Variants in SLAMF8 observed in about 807,000 individuals in gnomAD.
SLAMF8 encodes B lymphocyte activator macrophage expressed.
In SLAMF8, 23 loss-of-function variants were observed where a neutral mutation model predicts 29.0. The observed-to-expected ratio is 0.79, with a 90% CI of 0.57 to 1.13. The LOEUF (loss-of-function observed/expected upper bound fraction) is 1.13. Among genes scored for constraint, SLAMF8 ranks in the 50% most tolerant of loss-of-function variants. The probability of loss-of-function intolerance (pLI) is 0.00; values close to 1 mark genes in which losing one functional copy is unlikely to be tolerated. For missense variants in SLAMF8, 381 were observed against 353.1 expected, an observed-to-expected ratio of 1.08 and a Z score of -0.63; for synonymous variants, 139 against 145.6, an observed-to-expected ratio of 0.96 and a Z score of 0.32.
Position 159,835,525 on chromosome 1 carries a change from C to T in SLAMF8, c.*265C>T. ...AGATGAGCCAAGCAGAACATTCCAT[C>T]CAGGACACTGGAAGTTCTCCAGGAT... On this transcript the variant is annotated 3_prime_UTR_variant, in exon 5 of 5. Coordinates refer to ENST00000289707, the MANE Select transcript of SLAMF8 (RefSeq NM_020125.3). 1 of 1,231,240 alleles carries T rather than the reference C, an allele frequency of 8.1e-7. No individual in the cohort carries two copies. The highest frequency in any genetic ancestry group is 1.0e-6 in the Non-Finnish European group (1 of 983,798). The allele number at this position is 1,231,240 out of a possible 1,614,324, so 76.3% of individuals were successfully genotyped here. A position where few individuals can be genotyped will look rare whatever the true frequency, so the allele number is the denominator to read the frequency against.
At chr1:159,827,013 G>C in intron 1 of SLAMF8, 75 bp downstream of exon 1, 4 of 1,584,212 alleles carry the variant, frequency 2.5e-6, no homozygotes, top group Non-Finnish European at 3.5e-6. Context: ...CAGACGTCTG[G>C]GCAGGGATCC....
chr1:159,831,335 G>T (rs1442711244), intron 2 of SLAMF8, among the ~76,000 whole-genome samples: 3 of 152,012 alleles, frequency 2.0e-5, no homozygotes, highest in African/African-American at 7.3e-5. Flanking sequence ...CAGCTAACTG[G>T]CTGTCCTTGG....
At chr1:159,827,410 A>C (rs575803115) in intron 1 of SLAMF8, among the ~76,000 whole-genome samples, 1 of 152,120 alleles carries the variant, frequency 6.6e-6, no homozygotes, top group African/African-American at 2.4e-5. Context: ...GGCCTTTATA[A>C]GGGGAGGCAA....
Position 159,835,912 on chromosome 1 carries a change from G to C in SLAMF8, c.*652G>C. On this transcript the variant is annotated 3_prime_UTR_variant, in exon 5 of 5. Coordinates refer to ENST00000289707, the MANE Select transcript of SLAMF8 (RefSeq NM_020125.3). The stretch of plus-strand genomic sequence containing the variant: ...AATTGCAGTTGTAGACACCGAGGAT[G>C]GTTGACAACCCATGGTTGAGATGGG... The C allele has an allele frequency of 1.0e-6, 1 of 985,434 alleles. No homozygotes were observed. The highest frequency in any genetic ancestry group is 1.7e-5 in the African/African-American group (1 of 57,350). The allele number at this position is 985,434 out of a possible 1,614,324, so 61.0% of individuals were successfully genotyped here. A position where few individuals can be genotyped will look rare whatever the true frequency, so the allele number is the denominator to read the frequency against.
chr1:159,833,610 T>C (rs1234106851), intron 4 of SLAMF8, among the ~76,000 whole-genome samples: 1 of 152,206 alleles, frequency 6.6e-6, no homozygotes, highest in African/African-American at 2.4e-5. Flanking sequence ...CTTTGTACAT[T>C]GTATTCCCTC....
At chr1:159,828,747 T>C (rs150021805) in intron 1 of SLAMF8, among the ~76,000 whole-genome samples, 150 of 152,272 alleles carry the variant, frequency 9.9e-4, no homozygotes, top group African/African-American at 3.2e-3. Flanking sequence ...AGAGAGAATA[T>C]GTAACCTCTC....
rs1191510847 is a variant in SLAMF8, at chr1:159,835,363, T to A, written c.*103T>A. 2 of 1,476,106 alleles carry A rather than the reference T, an allele frequency of 1.4e-6. No individual in the cohort carries two copies. The highest frequency in any genetic ancestry group is 1.8e-6 in the Non-Finnish European group (2 of 1,115,082). The allele number at this position is 1,476,106 out of a possible 1,614,324, so 91.4% of individuals were successfully genotyped here. ...CCTGGAAATCACCATGGTCCTCATATCTCCCATGGGAATCCTGTCCTGCCT... is the reference window on the plus strand; with the variant it reads ...CCTGGAAATCACCATGGTCCTCATAACTCCCATGGGAATCCTGTCCTGCCT... On this transcript the variant is annotated 3_prime_UTR_variant, in exon 5 of 5. Coordinates refer to ENST00000289707, the MANE Select transcript of SLAMF8 (RefSeq NM_020125.3).
Position 159,829,915 on chromosome 1 carries a change from G to A in SLAMF8, c.90G>A (p.Gly30=), listed in dbSNP as rs1335827071. The change falls in exon 2 of 5, where the codon GGG becomes GGA. Residue 30 remains glycine (G), a synonymous_variant. Coordinates refer to ENST00000289707, the MANE Select transcript of SLAMF8 (RefSeq NM_020125.3). ...GTGCCCAAGTGCTGAGCAAAGTCGG[G>A]GGCTCGGTGCTGCTGGTGGCAGCGC... The part of the protein sequence containing the change: ...VTGAQVLSKV[G]GSVLLVAARP... The A allele has an allele frequency of 1.9e-6, 3 of 1,614,030 alleles. No homozygotes were observed. The highest frequency in any genetic ancestry group is 2.2e-5 in the East Asian group (1 of 44,886).
chr1:159,829,745 A>C, intron 1 of SLAMF8, 121 bp from the exon 2 acceptor site: 1 of 1,043,676 alleles, frequency 9.6e-7, no homozygotes, highest in Non-Finnish European at 1.4e-6. Context: ...GTGCAACCTC[A>C]ACTTGAGTGG....
In SLAMF8 at chr1:159,835,152, AG is replaced by A. The variant is rs1278104835; in HGVS notation, c.782-28del. ...AGGATTCCAAGACTCCAAACACTGGAGGGGTAACTTTCTTTCTGATGTCCTT... is the reference window on the plus strand; with the variant it reads ...AGGATTCCAAGACTCCAAACACTGGAGGGTAACTTTCTTTCTGATGTCCTT... On this transcript the variant is annotated intron_variant, in intron 4 of 4. Coordinates refer to ENST00000289707, the MANE Select transcript of SLAMF8 (RefSeq NM_020125.3). The A allele has an allele frequency of 1.9e-6, 3 of 1,603,928 alleles. No individual in the cohort carries two copies. The African/African-American group carries it at 4.0e-5, about 21-fold the overall frequency.
At chr1:159,830,339 GGC>G in intron 2 of SLAMF8, 147 bp downstream of exon 2, 10 of 858,368 alleles carry the variant, frequency 1.2e-5, no homozygotes, top group Non-Finnish European at 1.7e-5. Context: ...GCTGCTCCCT[GGC>G]AGTCACGTCT....
Position 159,833,014 on chromosome 1 carries a change from C to G in SLAMF8, c.506C>G (p.Thr169Ser). The change falls in exon 3 of 5, where the codon ACC becomes AGC. Residue 169 changes from threonine to serine, a missense_variant. Physicochemically the swap from Thr to Ser is moderately conservative, Grantham distance 58. Transcript: ENST00000289707. The part of the protein sequence containing the change: ...EITYSWRRET[T>S]MDFGMEPHSL... ...ACCTATAGCTGGCGACGGGAGACAA[C>G]CATGGACTTTGGTATGGAACCACAC... The G allele has an allele frequency of 6.2e-7, 1 of 1,614,230 alleles. No homozygotes were observed.
At chr1:159,830,267 G>A in intron 2 of SLAMF8, 75 bp downstream of exon 2, 1 of 1,429,962 alleles carries the variant, frequency 7.0e-7, no homozygotes. Flanking sequence ...AGTCATAGCA[G>A]CCAGGGAGAG....
Position 159,826,996 on chromosome 1 carries a change from C to T in SLAMF8, c.40+58C>T, listed in dbSNP as rs369775000. 11 of 1,604,252 alleles carry T rather than the reference C, an allele frequency of 6.9e-6. No homozygotes were observed. In the East Asian group the frequency reaches 2.2e-4, roughly 33 times the overall value. On this transcript the variant is annotated intron_variant, in intron 1 of 4. Coordinates refer to ENST00000289707, the MANE Select transcript of SLAMF8 (RefSeq NM_020125.3). ...AGAGCTGAAGGCCCCTCCCCAGCTGCCTATGCCAGACGTCTGGGCAGGGAT... is the reference window on the plus strand; with the variant it reads ...AGAGCTGAAGGCCCCTCCCCAGCTGTCTATGCCAGACGTCTGGGCAGGGAT...
Position 159,835,275 on chromosome 1 carries a change from T to G in SLAMF8, c.*15T>G. 1 of 1,611,994 alleles carries G rather than the reference T, an allele frequency of 6.2e-7. No individual in the cohort carries two copies. On this transcript the variant is annotated 3_prime_UTR_variant, in exon 5 of 5. Transcript: ENST00000289707. Reference sequence around the variant, plus strand: ...ATCTGCCATAAAGGACAATATGAACTGATGCCTGGACTATCAGTAACCCCA... The same window carrying G: ...ATCTGCCATAAAGGACAATATGAACGGATGCCTGGACTATCAGTAACCCCA...
intron 2 of SLAMF8, among the ~76,000 whole-genome samples, chr1:159,830,611 A>G (rs1647423761): frequency 6.6e-6 from 1 of 152,188 alleles, no homozygotes; most frequent in Non-Finnish European, 1.5e-5. Flanking sequence ...ATCATAGACT[A>G]TAAGATGTGC....
chr1:159,833,359 C>G lies in SLAMF8; in HGVS notation c.771C>G (p.Cys257Trp). 2 of 1,613,978 alleles carry G rather than the reference C, an allele frequency of 1.2e-6. No individual in the cohort carries two copies. Among genetic ancestry groups the G allele is most frequent in the Non-Finnish European group, 1.7e-6 (2 of 1,179,880 alleles). ...LVTLFSAWHWCPCSGKKKKDV... is the reference protein window; with the variant it reads ...LVTLFSAWHWWPCSGKKKKDV... The stretch of plus-strand genomic sequence containing the variant: ...CTCTCTTCTCTGCCTGGCACTGGTG[C>G]CCCTGCTCAGGTAGGAGTCCTGCAG... The change falls in exon 4 of 5, where the codon TGC becomes TGG. Residue 257 changes from cysteine (C) to tryptophan (W), a missense_variant. Physicochemically the swap from Cys to Trp is radical, Grantham distance 215. Coordinates refer to ENST00000289707, the MANE Select transcript of SLAMF8 (RefSeq NM_020125.3).
At position 159,830,113 on chromosome 1, in the gene SLAMF8, A is replaced by G. The variant is rs775456762; in HGVS notation, c.288A>G (p.Gly96=). The G allele has an allele frequency of 2.5e-6, 4 of 1,614,070 alleles. No homozygotes were observed. The African/African-American group carries it at 5.3e-5, about 22-fold the overall frequency. Residue 96 remains glycine, a synonymous_variant, in exon 2 of 5, where the codon GGA becomes GGG. Transcript: ENST00000289707. The part of the protein sequence containing the change: ...LSLELGPLES[G]DSGNFSVLMV... ...TGGAGCTCGGGCCGCTGGAGTCTGGAGACAGCGGCAACTTCTCCGTGTTGA... is the reference window on the plus strand; with the variant it reads ...TGGAGCTCGGGCCGCTGGAGTCTGGGGACAGCGGCAACTTCTCCGTGTTGA...
chr1:159,833,299 G>C lies in SLAMF8; in HGVS notation c.711G>C (p.Val237=), dbSNP rs1231387126. ...CCTCCTACAAAGATGTGCTGCTGGT[G>C]GTGGTGCCTGTCTCGCTGCTCCTGA... ...GKASYKDVLL[V]VVPVSLLLML... is the part of the protein sequence containing the mutation. The change falls in exon 4 of 5, where the codon GTG becomes GTC. Residue 237 remains valine (V), a synonymous_variant. Coordinates refer to ENST00000289707, the MANE Select transcript of SLAMF8 (RefSeq NM_020125.3). 2 of 1,614,052 alleles carry C rather than the reference G, an allele frequency of 1.2e-6. No individual in the cohort carries two copies. The highest frequency in any genetic ancestry group is 1.3e-5 in the African/African-American group (1 of 74,914).
Sources: allele counts gnomAD v4.1 joint callset (sites outside exome capture counted in the v4.1 genomes callset), GRCh38; gene constraint gnomAD v4.1.1; transcripts MANE v1.5; gene names NCBI Gene and HGNC (gene_info 2026-07-23, HGNC 2026-07-21).